GSE1: variants seen among roughly 807,000 people sequenced by gnomAD.
GSE1 encodes Gse1 coiled-coil protein, also known as genetic suppressor element 1.
GSE1 carries 32 observed loss-of-function variants against 112.6 expected under a neutral mutation model. The ratio of observed to expected loss-of-function variants is 0.28; its 90% CI spans 0.21 to 0.38. The LOEUF (loss-of-function observed/expected upper bound fraction) is 0.38, where lower values mean the gene tolerates loss of function less well. GSE1 is among the 10% of genes least tolerant of loss of function. The pLI, the probability that GSE1 is intolerant of heterozygous loss-of-function variation, is 1.00. For synonymous variants in GSE1, 1,115 were observed against 735.6 expected, an observed-to-expected ratio of 1.52 and a Z score of -8.35; for missense variants, 2,348 against 1,699.2, an observed-to-expected ratio of 1.38 and a Z score of -6.71.
chr16:85,671,981 A>G, intron 15 of GSE1: 1 of 201,190 alleles, frequency 5.0e-6, no homozygotes, highest in Non-Finnish European at 1.1e-5. Flanking sequence ...CCAGGGACAG[A>G]ACACAGGCTG....
chr16:85,216,473 G>A (rs1597820736), intron 1 of GSE1, among the ~76,000 whole-genome samples: 1 of 152,208 alleles, frequency 6.6e-6, no homozygotes. Context: ...AATGTTATCT[G>A]ATTATAATAA....
At chr16:85,396,564 C>T (rs559161206) in intron 2 of GSE1, among the ~76,000 whole-genome samples, 100 of 152,378 alleles carry the variant, frequency 6.6e-4, no homozygotes, top group African/African-American at 2.3e-3. Context: ...GGCAGCTGCC[C>T]ACCACCTGGA....
chr16:85,293,685 G>A (rs1377307416), intron 1 of GSE1, among the ~76,000 whole-genome samples: 2 of 152,162 alleles, frequency 1.3e-5, no homozygotes, highest in South Asian at 2.1e-4. Context: ...GAATCTGTCC[G>A]GGCCTTTCTT....
chr16:85,332,843 C>G (rs2046404587), intron 1 of GSE1, among the ~76,000 whole-genome samples: 2 of 152,100 alleles, frequency 1.3e-5, no homozygotes, highest in Admixed American at 1.3e-4. Flanking sequence ...CATGGCGGGC[C>G]CAGGGGCCAG....
intron 2 of GSE1, among the ~76,000 whole-genome samples, chr16:85,415,518 G>A: frequency 6.6e-6 from 1 of 152,214 alleles, no homozygotes; most frequent in Non-Finnish European, 1.5e-5. Context: ...CCCTGGCTCT[G>A]CTCCCCGAAG....
At chr16:85,339,376 G>A (rs1195869368) in intron 1 of GSE1, among the ~76,000 whole-genome samples, 1 of 152,134 alleles carries the variant, frequency 6.6e-6, no homozygotes, top group Non-Finnish European at 1.5e-5. Flanking sequence ...GATTTCTCCG[G>A]ACAAATGGCC....
At chr16:85,364,482 T>C (rs1296209545) in intron 2 of GSE1, among the ~76,000 whole-genome samples, 1 of 152,186 alleles carries the variant, frequency 6.6e-6, no homozygotes, top group Non-Finnish European at 1.5e-5. Flanking sequence ...AGCCACAGTA[T>C]TTATAAAGTC....
chr16:85,191,451 G>A (rs1013375209), intron 1 of GSE1, among the ~76,000 whole-genome samples: 9 of 152,122 alleles, frequency 5.9e-5, no homozygotes, highest in Admixed American at 4.6e-4. Context: ...GGCCACATTA[G>A]CTTTCATTTT....
At chr16:85,437,412 G>C (rs1276433396) in intron 2 of GSE1, among the ~76,000 whole-genome samples, 1 of 150,854 alleles carries the variant, frequency 6.6e-6, no homozygotes, top group Non-Finnish European at 1.5e-5. Flanking sequence ...GCCAAGACCC[G>C]GGGCCTCCTG....
exon 1 of GSE1, chr16:85,171,072 G>A (rs2074351891): frequency 7.1e-6 from 7 of 985,688 alleles, no homozygotes; most frequent in Non-Finnish European, 8.4e-6. Flanking sequence ...TCAGCCTCCT[G>A]CCCTGCCCGC....
chr16:85,290,410 G>T (rs2045174160), intron 1 of GSE1, among the ~76,000 whole-genome samples: 1 of 152,196 alleles, frequency 6.6e-6, no homozygotes, highest in Non-Finnish European at 1.5e-5. Flanking sequence ...CCCATCAAAT[G>T]ACATGTAAGC....
At chr16:85,626,763 A>ACGGGATCCG (rs1459291770) in intron 1 of GSE1, among the ~76,000 whole-genome samples, 1 of 152,156 alleles carries the variant, frequency 6.6e-6, no homozygotes, top group East Asian at 1.9e-4. Flanking sequence ...AGCAGTAATT[A>ACGGGATCCG]CGGGATCCGC....
In GSE1 at chr16:85,256,980, AT is replaced by A. The variant is rs201034290; in HGVS notation, c.2283+85175del. ...GGTTCTTTCTGTCACGATACTTTGT[AT>A]TGGATGGTGCTGCTCTTGTTATTAG... On this transcript the variant is annotated intron_variant, in intron 1 of 2. Coordinates refer to the GSE1 transcript ENST00000637419. 5.1e-3 allele frequency among the ~76,000 whole-genome samples: 780 copies of A among 152,252 alleles called. 8 individuals carry two copies. Among genetic ancestry groups the A allele is most frequent in the African/African-American group, 0.018 (739 of 41,542 alleles).
At chr16:85,280,486 C>A (rs2151422263) in intron 1 of GSE1, among the ~76,000 whole-genome samples, 1 of 152,324 alleles carries the variant, frequency 6.6e-6, no homozygotes, top group East Asian at 1.9e-4. Flanking sequence ...ACCTCCACCT[C>A]CTGGGTTTAA....
At chr16:85,560,128 C>T (rs200956528) in intron 1 of GSE1, among the ~76,000 whole-genome samples, 16 of 99,116 alleles carry the variant, frequency 1.6e-4, no homozygotes, top group Middle Eastern at 7.5e-3. Flanking sequence ...TCTTCTTCTT[C>T]TTTTTTTTTT....
chr16:85,172,990 C>A (rs1191426919), intron 1 of GSE1, among the ~76,000 whole-genome samples: 1 of 152,236 alleles, frequency 6.6e-6, no homozygotes, highest in Non-Finnish European at 1.5e-5. Flanking sequence ...TTTGGACTTT[C>A]AAGCTGTCTT....
chr16:85,460,040 C>T (rs1374244618), intron 2 of GSE1, among the ~76,000 whole-genome samples: 1 of 152,154 alleles, frequency 6.6e-6, no homozygotes, highest in African/African-American at 2.4e-5. Flanking sequence ...CCCCCAGGGC[C>T]CCGCAGTGCA....
In GSE1 at chr16:85,674,170, C is replaced by G. The variant is rs2053553749; in HGVS notation, c.*1631C>G. The stretch of plus-strand genomic sequence containing the variant: ...CTGAGCTGAGGGCAGGGTGCCTGAC[C>G]TGTGTGCCGGCTGCTCACTGCTGTG... On this transcript the variant is annotated 3_prime_UTR_variant, in exon 16 of 16. Transcript: ENST00000253458. 2 of 152,382 alleles carry G rather than the reference C, an allele frequency of 1.3e-5. No homozygotes were observed. Among genetic ancestry groups the G allele is most frequent in the African/African-American group, 4.8e-5 (2 of 41,470 alleles). 9.4% of individuals were successfully genotyped at this position (152,382 alleles called of 1,614,324 possible). A position where few individuals can be genotyped will look rare whatever the true frequency, so the allele number is the denominator to read the frequency against.
intron 1 of GSE1, among the ~76,000 whole-genome samples, chr16:85,233,475 A>G (rs1477861537): frequency 6.6e-6 from 1 of 152,210 alleles, no homozygotes; most frequent in Non-Finnish European, 1.5e-5. Flanking sequence ...AGGGGTGGGA[A>G]CTGCTCTGAC....
Sources: allele counts gnomAD v4.1 joint callset (sites outside exome capture counted in the v4.1 genomes callset), GRCh38; gene constraint gnomAD v4.1.1; transcripts MANE v1.5; gene names NCBI Gene and HGNC (gene_info 2026-07-23, HGNC 2026-07-21).